The following ZFYVE28 variants were observed in gnomAD, a reference collection of about 807,000 sequenced individuals.
ZFYVE28 encodes the protein zinc finger FYVE-type containing 28.
Under a neutral mutation model 82.1 loss-of-function variants are expected in ZFYVE28, and 40 were observed. That is an observed-to-expected ratio of 0.49 (90% CI 0.38 to 0.63). ZFYVE28 has a LOEUF of 0.63. Among genes scored for constraint, ZFYVE28 ranks in the 30% least tolerant of loss-of-function variants. The probability of loss-of-function intolerance (pLI) is 0.00; values close to 1 mark genes in which losing one functional copy is unlikely to be tolerated. For synonymous variants in ZFYVE28, 612 were observed against 546.1 expected (o/e 1.12, Z -1.68); for missense variants, 1,321 against 1,242.1 (o/e 1.06, Z -0.96).
chr4:2,353,613 C>A (rs527474245), intron 2 of ZFYVE28, among the ~76,000 whole-genome samples: 1 of 152,136 alleles, frequency 6.6e-6, no homozygotes, highest in Non-Finnish European at 1.5e-5. Flanking sequence ...AAGCTCTGCA[C>A]CAGCACCTGG....
chr4:2,413,225 G>A (rs1379197865), intron 1 of ZFYVE28, among the ~76,000 whole-genome samples: 3 of 152,222 alleles, frequency 2.0e-5, no homozygotes, highest in Non-Finnish European at 2.9e-5. Flanking sequence ...TGAGCTGCCC[G>A]CTGAGAGTCA....
At chr4:2,292,423 G>C (rs1347371515) in intron 8 of ZFYVE28, among the ~76,000 whole-genome samples, 1 of 152,176 alleles carries the variant, frequency 6.6e-6, no homozygotes, top group South Asian at 2.1e-4. Flanking sequence ...GAGGGCACAA[G>C]GGGTCTACAA....
intron 7 of ZFYVE28, among the ~76,000 whole-genome samples, chr4:2,307,311 T>C (rs533961083): frequency 1.8e-4 from 27 of 152,346 alleles, no homozygotes; most frequent in African/African-American, 6.3e-4. Context: ...TTATTAGATA[T>C]ATTCTCCAAC....
At chr4:2,406,884 G>C (rs1731979867) in intron 1 of ZFYVE28, among the ~76,000 whole-genome samples, 1 of 146,456 alleles carries the variant, frequency 6.8e-6, no homozygotes, top group South Asian at 2.2e-4. Context: ...TGGTTTAGGA[G>C]TTATCCCTTC....
At chr4:2,410,200 T>C (rs886394569) in intron 1 of ZFYVE28, among the ~76,000 whole-genome samples, 3 of 152,200 alleles carry the variant, frequency 2.0e-5, no homozygotes, top group African/African-American at 7.2e-5. Flanking sequence ...CCACCACCTC[T>C]TGCTGCGTCA....
At chr4:2,382,786 T>C (rs1370862749) in intron 1 of ZFYVE28, among the ~76,000 whole-genome samples, 3 of 152,170 alleles carry the variant, frequency 2.0e-5, no homozygotes, top group African/African-American at 2.4e-5. Flanking sequence ...AAAGACACGC[T>C]GGAGACTGGG....
chr4:2,303,856 A>C (rs568819574), intron 8 of ZFYVE28, among the ~76,000 whole-genome samples: 17 of 152,348 alleles, frequency 1.1e-4, no homozygotes, highest in Non-Finnish European at 5.9e-5. Flanking sequence ...AGTGGTCAGC[A>C]AAGAGAAGTG....
At chr4:2,279,562 G>A (rs558479618) in intron 8 of ZFYVE28, among the ~76,000 whole-genome samples, 27 of 152,222 alleles carry the variant, frequency 1.8e-4, no homozygotes, top group Admixed American at 4.6e-4. Flanking sequence ...GGCGGATCAC[G>A]AGGTCAGGAG....
At chr4:2,353,564 C>A (rs980354366) in intron 2 of ZFYVE28, among the ~76,000 whole-genome samples, 12 of 152,152 alleles carry the variant, frequency 7.9e-5, no homozygotes, top group African/African-American at 2.9e-4. Flanking sequence ...CTGGCAGCAC[C>A]ATTAGTCAGT....
chr4:2,325,155 TA>T (rs369324722), intron 6 of ZFYVE28: 1 of 152,282 alleles, frequency 6.6e-6, no homozygotes, highest in African/African-American at 2.4e-5. Flanking sequence ...ATTTTTCTCT[TA>T]AAGCAAATGC....
intron 2 of ZFYVE28, among the ~76,000 whole-genome samples, chr4:2,345,948 C>T (rs538767239): frequency 1.5e-4 from 23 of 152,096 alleles, no homozygotes; most frequent in Admixed American, 4.6e-4. Flanking sequence ...GCAAAAATAT[C>T]TTTCAAAATC....
intron 5 of ZFYVE28, 45 bp downstream of exon 5, chr4:2,337,362 A>T (rs1721993370): frequency 1.3e-6 from 2 of 1,526,266 alleles, no homozygotes; most frequent in African/African-American, 1.4e-5. Context: ...TGAGGCAGGG[A>T]CTCCCCAGAT....
At chr4:2,337,877 T>TACACACACACACACACAC (rs57325124) in intron 4 of ZFYVE28, among the ~76,000 whole-genome samples, 1,969 of 151,070 alleles carry the variant, frequency 0.013, 26 homozygotes, top group African/African-American at 0.033. Flanking sequence ...TCTCTTAAAA[T>TACACACACACACACACAC]ACACACACAC....
chr4:2,280,981 C>T (rs1482697360), intron 8 of ZFYVE28, among the ~76,000 whole-genome samples: 1 of 152,198 alleles, frequency 6.6e-6, no homozygotes, highest in Non-Finnish European at 1.5e-5. Context: ...CAGGTTGAGA[C>T]CGAGGCCAGG....
At chr4:2,314,741 A>T (rs1462114268) in intron 7 of ZFYVE28, among the ~76,000 whole-genome samples, 1 of 152,142 alleles carries the variant, frequency 6.6e-6, no homozygotes, top group Non-Finnish European at 1.5e-5. Context: ...TGTACAGTTA[A>T]TATTCACTTA....
intron 8 of ZFYVE28, among the ~76,000 whole-genome samples, chr4:2,302,813 A>G (rs907369384): frequency 6.6e-6 from 1 of 152,238 alleles, no homozygotes; most frequent in African/African-American, 2.4e-5. Context: ...GTGCCTCTAC[A>G]TGGTGGCCCT....
chr4:2,393,779 G>A (rs1730089484), intron 1 of ZFYVE28, among the ~76,000 whole-genome samples: 1 of 152,184 alleles, frequency 6.6e-6, no homozygotes, highest in Admixed American at 6.5e-5. Context: ...CGGATTGGGG[G>A]ACGGACTTCC....
At chr4:2,361,180 G>A (rs151312118) in intron 1 of ZFYVE28, among the ~76,000 whole-genome samples, 14 of 152,230 alleles carry the variant, frequency 9.2e-5, no homozygotes, top group Non-Finnish European at 1.9e-4. Context: ...AGTCAAACCC[G>A]TAAAGAAGGC....
intron 1 of ZFYVE28, among the ~76,000 whole-genome samples, chr4:2,359,819 T>A (rs766356197): frequency 6.6e-6 from 1 of 152,078 alleles, no homozygotes; most frequent in Non-Finnish European, 1.5e-5. Flanking sequence ...AGCCCTGACA[T>A]CCACTTAGCA....
Sources: gnomAD v4.1 joint callset for allele counts (sites outside exome capture counted in the v4.1 genomes callset) on GRCh38, gnomAD v4.1.1 for gene constraint, MANE v1.5 for transcripts, NCBI Gene and HGNC (gene_info 2026-07-23, HGNC 2026-07-21) for gene names.